The following NF1 variants were observed in gnomAD, a reference collection of about 807,000 sequenced individuals.
The protein encoded by NF1 is neurofibromin 1.
Under a neutral mutation model 325.7 loss-of-function variants are expected in NF1, and 122 were observed. The ratio of observed to expected loss-of-function variants is 0.37; its 90% confidence interval spans 0.32 to 0.44. NF1 has a LOEUF of 0.44. NF1 is among the 20% of genes least tolerant of loss of function. The probability of loss-of-function intolerance (pLI) is 1.00; values close to 1 mark genes in which losing one functional copy is unlikely to be tolerated. For synonymous variants in NF1, 1,091 were observed against 1,186.0 expected, an observed-to-expected ratio of 0.92 and a Z score of 1.65; for missense variants, 2,140 against 3,415.4, an observed-to-expected ratio of 0.63 and a Z score of 9.31.
chr17:31,222,005 A>T (rs1431049590), intron 15 of NF1, 76 bp downstream of exon 15: 35 of 1,408,666 alleles, frequency 2.5e-5, no homozygotes, highest in Middle Eastern at 4.6e-4. Flanking sequence ...TTAACTCTGT[A>T]GTACTTAGTA....
At chr17:31,350,110 A>G in intron 49 of NF1, 73 bp from the exon 50 acceptor site, 1 of 1,530,878 alleles carries the variant, frequency 6.5e-7, no homozygotes, top group Non-Finnish European at 9.1e-7. Context: ...AGGAGACTGT[A>G]AGAAGTTCAT....
At chr17:31,295,645 A>G (rs1278528669) in intron 36 of NF1, 1 of 1,614,210 alleles carries the variant, frequency 6.2e-7, no homozygotes, top group South Asian at 1.1e-5. Context: ...GTTTGTGGTC[A>G]CATGACCACC....
chr17:31,332,804 C>T lies in NF1; in HGVS notation c.5813-2034C>T, dbSNP rs561975649. Among the ~76,000 whole-genome samples the T allele has an allele frequency of 1.5e-4, 10 of 64,746 alleles. 1 individual carries two copies. The East Asian group carries it at 3.4e-3, about 22-fold the overall frequency. The allele number at this position is 64,746 out of a possible 152,430, so 42.5% of individuals were successfully genotyped here. A position where few individuals can be genotyped will look rare whatever the true frequency, so the allele number is the denominator to read the frequency against. On this transcript the variant is annotated intron_variant, in intron 39 of 57. Transcript: ENST00000358273. ...CCATGTGATCTCATTGTTCAATTCCCACCTATGAGTGAGAATATGCGGTGT... is the reference window on the plus strand; with the variant it reads ...CCATGTGATCTCATTGTTCAATTCCTACCTATGAGTGAGAATATGCGGTGT...
chr17:31,358,517 T>C lies in NF1; in HGVS notation c.8008T>C (p.Ser2670Pro), dbSNP rs1597868102. 6.2e-7 allele frequency: 1 copy of C among 1,614,032 alleles called. No individual in the cohort carries two copies. Among genetic ancestry groups the C allele is most frequent in the Non-Finnish European group, 8.5e-7 (1 of 1,179,940 alleles). ...GGACTCTAAGATCAACACCCTGTTA[T>C]CATTGTGCCAAGATCCAAATTTGTT... ...LLDSKINTLL[S>P]LCQDPNLLNP... The change falls in exon 55 of 58, where the codon TCA becomes CCA. Residue 2670 changes from serine (S) to proline (P), a missense_variant. Physicochemically the swap from Ser to Pro is moderately conservative, Grantham distance 74. Around this residue, in one of 10 missense-constraint regions of NF1, gnomAD observed 522 missense variants for 749.0 expected, o/e 0.70. Transcript: ENST00000358273.
rs199474783 is a variant in NF1, at chr17:31,336,360, G to C, written c.6034G>C (p.Asp2012His). The C allele has an allele frequency of 6.2e-7, 1 of 1,613,912 alleles. No homozygotes were observed. The highest frequency in any genetic ancestry group is 8.5e-7 in the Non-Finnish European group (1 of 1,179,970). Residue 2012 changes from aspartate (D) to histidine (H), a missense_variant, in exon 41 of 58, where the codon GAC becomes CAC. Coordinates refer to ENST00000358273, the MANE Select transcript of NF1 (RefSeq NM_001042492.3). This position sits in a 1 kb window ranked among gnomAD's most constrained non-coding sequence, Gnocchi z 5.5. ...QITDLLDVVL[D>H]SFIKTSATGG... ...TACAGATCTGCTTGATGTTGTACTA[G>C]ACAGTTTCATCAAAACCAGTGCAAC... is the stretch of plus-strand genomic sequence containing the variant.
At chr17:31,349,372 A>G (rs2070083977) in intron 49 of NF1, 121 bp downstream of exon 49, 1 of 925,702 alleles carries the variant, frequency 1.1e-6, no homozygotes, top group East Asian at 2.7e-5. Flanking sequence ...TTCACAGTCT[A>G]GTCCTTTAGT....
intron 1 of NF1, among the ~76,000 whole-genome samples, chr17:31,142,723 C>T (rs971319451): frequency 5.3e-5 from 8 of 151,806 alleles, no homozygotes; most frequent in Middle Eastern, 3.2e-3. Context: ...AAAAATTAAC[C>T]GGGTGTGGTG....
chr17:31,173,118 TA>T (rs1396369106), intron 5 of NF1, among the ~76,000 whole-genome samples: 9 of 151,350 alleles, frequency 5.9e-5, no homozygotes, highest in Non-Finnish European at 1.0e-4. Flanking sequence ...CCGTCTCCAT[TA>T]AAAATACAAA....
In NF1 at chr17:31,336,484, T is replaced by C. The variant is rs201275748; in HGVS notation, c.6147+11T>C. On this transcript the variant is annotated intron_variant, in intron 41 of 57. Transcript: ENST00000358273. The surrounding 1 kb of genome is among the most constrained non-coding windows in gnomAD (Gnocchi z 5.5). ...TTGGTTTCAAGCAAGGTAATCACTT[T>C]TCTTTTGCCTTCTGTACTATAGCAT... 9.4e-5 allele frequency: 151 copies of C among 1,614,128 alleles called. No individual in the cohort carries two copies. The African/African-American group carries it at 1.8e-3, about 19-fold the overall frequency.
intron 1 of NF1, among the ~76,000 whole-genome samples, chr17:31,097,335 G>A (rs1598176917): frequency 6.6e-6 from 1 of 151,916 alleles, no homozygotes; most frequent in South Asian, 2.1e-4. Context: ...GCGGGCGCCT[G>A]TAATCCCAGC....
chr17:31,105,078 T>A (rs1398840558), intron 1 of NF1, among the ~76,000 whole-genome samples: 2 of 152,138 alleles, frequency 1.3e-5, no homozygotes, highest in Non-Finnish European at 2.9e-5. Context: ...TTTAATTTTT[T>A]TCGTAGAGAC....
chr17:31,298,948 T>C (rs1205604493), intron 36 of NF1, among the ~76,000 whole-genome samples: 1 of 152,068 alleles, frequency 6.6e-6, no homozygotes, highest in Non-Finnish European at 1.5e-5. Context: ...AACAGTACTT[T>C]TGTTTGAAAG....
chr17:31,140,994 A>G (rs532653022), intron 1 of NF1, among the ~76,000 whole-genome samples: 8 of 152,240 alleles, frequency 5.3e-5, no homozygotes, highest in Non-Finnish European at 1.0e-4. Context: ...TAGCAGATAT[A>G]TAGAATGAAG....
chr17:31,243,984 T>C (rs2067348791), intron 29 of NF1, among the ~76,000 whole-genome samples: 1 of 152,164 alleles, frequency 6.6e-6, no homozygotes, highest in South Asian at 2.1e-4. Flanking sequence ...ACTGCCTGGC[T>C]ATCCCTCCTG....
intron 1 of NF1, among the ~76,000 whole-genome samples, chr17:31,095,623 T>G (rs950151992): frequency 6.6e-6 from 1 of 152,246 alleles, no homozygotes; most frequent in South Asian, 2.1e-4. Context: ...CTGACCAGCC[T>G]CCGACCCTCC....
At chr17:31,310,491 G>A (rs181213696) in intron 36 of NF1, among the ~76,000 whole-genome samples, 2 of 152,218 alleles carry the variant, frequency 1.3e-5, no homozygotes, top group East Asian at 1.9e-4. Flanking sequence ...CTCTGTTGTG[G>A]CTGGCCTGTG....
Position 31,229,021 on chromosome 17 carries a change from T to G in NF1, c.2410-4T>G, listed in dbSNP as rs2151428759. 1 of 1,596,874 alleles carries G rather than the reference T, an allele frequency of 6.3e-7. No individual in the cohort carries two copies. The highest frequency in any genetic ancestry group is 8.6e-7 in the Non-Finnish European group (1 of 1,168,090). ...CATGCTTTGCACAAAAATTTTGTGTTTAGGCTGCTGAAAGCCTTCACAAGA... is the reference window on the plus strand; with the variant it reads ...CATGCTTTGCACAAAAATTTTGTGTGTAGGCTGCTGAAAGCCTTCACAAGA... On this transcript the variant is annotated splice_region_variant and splice_polypyrimidine_tract_variant and intron_variant, in intron 20 of 57. Transcript: ENST00000358273.
chr17:31,194,572 G>A (rs888624601), intron 8 of NF1, among the ~76,000 whole-genome samples: 10 of 151,348 alleles, frequency 6.6e-5, no homozygotes, highest in Non-Finnish European at 1.5e-4. Flanking sequence ...AAGAGATGAT[G>A]GGTATGCTAA....
At chr17:31,206,175 A>C (rs993067249) in intron 11 of NF1, 65 bp from the exon 12 acceptor site, 2 of 1,578,074 alleles carry the variant, frequency 1.3e-6, no homozygotes, top group Non-Finnish European at 1.7e-6. Context: ...CTACAGTGAT[A>C]AACAGAGCAT....
Sources: gnomAD v4.1 joint callset for allele counts (sites outside exome capture counted in the v4.1 genomes callset) on GRCh38, gnomAD v4.1.1 for gene constraint, gnomAD v4.1.1 regional missense constraint, Gnocchi (gnomAD v3.1) non-coding constraint, MANE v1.5 for transcripts, NCBI Gene and HGNC (gene_info 2026-07-23, HGNC 2026-07-21) for gene names.